DMD: variants seen among roughly 807,000 people sequenced by gnomAD.
The protein encoded by DMD is mutant dystrophin.
Under a neutral mutation model 330.1 loss-of-function variants are expected in DMD, and 63 were observed. The observed-to-expected ratio is 0.19, with a 90% CI of 0.16 to 0.24. The LOEUF is 0.24. Among genes scored for constraint, DMD ranks in the 10% least tolerant of loss-of-function variants. The probability of loss-of-function intolerance (pLI) is 1.00; values close to 1 mark genes in which losing one functional copy is unlikely to be tolerated. For missense variants in DMD, 3,344 were observed against 2,684.1 expected (o/e 1.25, Z -5.43); for synonymous variants, 1,223 against 959.8 (o/e 1.27, Z -5.07).
chrX:32,080,705 C>A (rs969437962), intron 44 of DMD, among the ~76,000 whole-genome samples: 1 of 111,857 alleles, frequency 8.9e-6, no homozygotes, highest in Admixed American at 9.5e-5. Context: ...GAACTTGTCC[C>A]AGCAGGTGGA....
At chrX:31,124,421 A>G (rs1327414202) in intron 78 of DMD, among the ~76,000 whole-genome samples, 6 of 111,785 alleles carry the variant, frequency 5.4e-5, no homozygotes, top group African/African-American at 1.6e-4. Flanking sequence ...ATGACTATAG[A>G]AAGTAGATTT....
intron 43 of DMD, among the ~76,000 whole-genome samples, chrX:32,279,918 C>T (rs915560696): frequency 3.6e-4 from 32 of 87,850 alleles, no homozygotes; most frequent in African/African-American, 1.3e-3. Context: ...TCATGTACCC[C>T]ATATATATAT....
At chrX:32,594,652 A>C (rs964400618) in intron 13 of DMD, among the ~76,000 whole-genome samples, 14 of 111,198 alleles carry the variant, frequency 1.3e-4, no homozygotes, top group African/African-American at 4.6e-4. Flanking sequence ...ATTTGTGTTA[A>C]ATTTTTTTAT....
At chrX:33,164,282 A>G (rs2148674162) in intron 1 of DMD, among the ~76,000 whole-genome samples, 1 of 112,209 alleles carries the variant, frequency 8.9e-6, no homozygotes, top group East Asian at 2.8e-4. Flanking sequence ...TTAAAAATAT[A>G]TTTATTGCTT....
chrX:31,890,788 A>C (rs1479727627), intron 47 of DMD, among the ~76,000 whole-genome samples: 1 of 111,465 alleles, frequency 9.0e-6, no homozygotes, highest in Admixed American at 9.6e-5. Flanking sequence ...TTCTCTAAAA[A>C]ACAAAACAAA....
intron 52 of DMD, among the ~76,000 whole-genome samples, chrX:31,701,326 C>T (rs1487771451): frequency 2.7e-5 from 3 of 111,980 alleles, no homozygotes; most frequent in African/African-American, 9.7e-5. Context: ...CATACTCCAC[C>T]ATCCAACTAT....
At chrX:32,689,786 TAAG>T (rs2063139934) in intron 9 of DMD, among the ~76,000 whole-genome samples, 1 of 110,974 alleles carries the variant, frequency 9.0e-6, no homozygotes, top group Admixed American at 9.6e-5. Context: ...ACAGAATAAA[TAAG>T]AAGTCACATG....
At chrX:32,465,632 C>T (rs781125056) in intron 23 of DMD, among the ~76,000 whole-genome samples, 4 of 93,001 alleles carry the variant, frequency 4.3e-5, no homozygotes, top group Admixed American at 4.1e-4. Flanking sequence ...GTCGCCCAGG[C>T]TGGAGTGAAG....
intron 55 of DMD, among the ~76,000 whole-genome samples, chrX:31,603,226 A>G (rs866631877): frequency 3.6e-5 from 4 of 110,638 alleles, no homozygotes; most frequent in Non-Finnish European, 7.5e-5. Flanking sequence ...ACCCTACCAA[A>G]CTGCAGCTCC....
intron 49 of DMD, among the ~76,000 whole-genome samples, chrX:31,831,555 T>C (rs1243953890): frequency 8.9e-6 from 1 of 112,075 alleles, no homozygotes; most frequent in East Asian, 2.8e-4. Context: ...TTATTCAACC[T>C]CTTATACTCC....
chrX:32,859,518 A>AG (rs573846923), intron 2 of DMD, among the ~76,000 whole-genome samples: 1 of 106,859 alleles, frequency 9.4e-6, no homozygotes, highest in South Asian at 4.2e-4. Flanking sequence ...CACAAGTTAA[A>AG]GTCTTTTCGA....
At chrX:32,196,986 C>CAAAAAAAAAAAAAAAAAAAAAAAAAAAA (rs71872245) in intron 44 of DMD, among the ~76,000 whole-genome samples, 2 of 49,637 alleles carry the variant, frequency 4.0e-5, no homozygotes, top group Non-Finnish European at 6.6e-5. Flanking sequence ...GACTCCATCT[C>CAAAAAAAAAAAAAAAAAAAAAAAAAAAA]AAAAAAAAAA....
chrX:32,575,365 T>C (rs2052919629), intron 13 of DMD, among the ~76,000 whole-genome samples: 1 of 112,717 alleles, frequency 8.9e-6, no homozygotes, highest in African/African-American at 3.2e-5. Context: ...AAGTGAGTTT[T>C]CAGTTTTTCT....
At chrX:32,589,922 T>C (rs1242931269) in intron 13 of DMD, among the ~76,000 whole-genome samples, 1 of 111,441 alleles carries the variant, frequency 9.0e-6, no homozygotes, top group Admixed American at 9.6e-5. Flanking sequence ...TAGAAAGGAA[T>C]ATATTAAAAC....
At chrX:32,156,747 A>G (rs764330926) in intron 44 of DMD, among the ~76,000 whole-genome samples, 2 of 111,331 alleles carry the variant, frequency 1.8e-5, no homozygotes, top group Non-Finnish European at 3.8e-5. Flanking sequence ...CCCATTCCTC[A>G]AGGAAATTTT....
At chrX:31,868,651 A>C (rs989209244) in intron 48 of DMD, among the ~76,000 whole-genome samples, 4 of 111,611 alleles carry the variant, frequency 3.6e-5, no homozygotes, top group African/African-American at 1.3e-4. Context: ...TGGCTTACAG[A>C]ATTCCCAATC....
chrX:32,510,002 A>G (rs1001746114), intron 18 of DMD, among the ~76,000 whole-genome samples: 1 of 111,426 alleles, frequency 9.0e-6, no homozygotes. Context: ...AAAGTACCCC[A>G]TCATCTCTGA....
intron 52 of DMD, among the ~76,000 whole-genome samples, chrX:31,715,326 C>T (rs996033086): frequency 9.3e-6 from 1 of 107,058 alleles, no homozygotes; most frequent in Non-Finnish European, 1.9e-5. Flanking sequence ...GGGCGGATCA[C>T]GAGGTCAGGA....
chrX:33,229,415 CTTTG>C (rs201965934), intron 1 of DMD, among the ~76,000 whole-genome samples: 4,800 of 110,883 alleles, frequency 0.043, 240 homozygotes, highest in African/African-American at 0.15. Context: ...TATGGGTGGG[CTTTG>C]TTTGTTTTGC....
Sources: gnomAD v4.1 joint callset for allele counts (sites outside exome capture counted in the v4.1 genomes callset) on GRCh38, gnomAD v4.1.1 for gene constraint, MANE v1.5 for transcripts, NCBI Gene and HGNC (gene_info 2026-07-23, HGNC 2026-07-21) for gene names.